PFKP: variants seen among roughly 807,000 people sequenced by gnomAD.
The protein encoded by PFKP is phosphofructokinase, platelet.
PFKP carries 101 observed loss-of-function variants against 94.3 expected under a neutral mutation model. The ratio of observed to expected loss-of-function variants is 1.07; its 90% CI spans 0.91 to 1.26. The LOEUF (loss-of-function observed/expected upper bound fraction) is 1.26, where lower values mean the gene tolerates loss of function less well. Ranked by LOEUF, PFKP falls within the 50% of genes most tolerant of loss-of-function variation. The pLI, the probability that PFKP is intolerant of heterozygous loss-of-function variation, is 0.00. For missense variants in PFKP, 1,145 were observed against 1,103.3 expected (o/e 1.04, Z -0.53); for synonymous variants, 573 against 432.6 (o/e 1.32, Z -4.03).
At chr10:3,100,381 G>A (rs1292045895) in intron 3 of PFKP, among the ~76,000 whole-genome samples, 2 of 152,042 alleles carry the variant, frequency 1.3e-5, no homozygotes, top group Admixed American at 1.3e-4. Flanking sequence ...GTGAATTTCA[G>A]TTTTTGTAAC....
chr10:3,096,934 C>T (rs113743518), intron 2 of PFKP, among the ~76,000 whole-genome samples: 2,363 of 121,374 alleles, frequency 0.019, 617 homozygotes, highest in Middle Eastern at 0.049. Flanking sequence ...AAAAATTAGC[C>T]GGGCGTGGTG....
chr10:3,107,967 G>T (rs1328438124), intron 8 of PFKP: 3 of 1,289,740 alleles, frequency 2.3e-6, no homozygotes, highest in Non-Finnish European at 2.0e-6. Context: ...TCCCCACCTG[G>T]CTTTGCAAGT....
intron 1 of PFKP, chr10:3,068,673 G>A: frequency 1.0e-6 from 1 of 985,090 alleles, no homozygotes; most frequent in Non-Finnish European, 1.2e-6. Flanking sequence ...GCGCGCCCCA[G>A]GCCCCGGGTG....
intron 2 of PFKP, among the ~76,000 whole-genome samples, chr10:3,087,978 T>A (rs1833731383): frequency 9.1e-6 from 1 of 110,146 alleles, no homozygotes; most frequent in Admixed American, 1.2e-4. Flanking sequence ...TCCTGTATCT[T>A]TCATTCTTTT....
At chr10:3,100,222 G>T (rs1803783029) in intron 3 of PFKP, among the ~76,000 whole-genome samples, 1 of 151,940 alleles carries the variant, frequency 6.6e-6, no homozygotes, top group Non-Finnish European at 1.5e-5. Context: ...CCATTGTGCT[G>T]GCTCTCGTGC....
intron 16 of PFKP, among the ~76,000 whole-genome samples, chr10:3,122,322 A>C (rs1464692551): frequency 6.6e-6 from 1 of 152,032 alleles, no homozygotes; most frequent in Non-Finnish European, 1.5e-5. Flanking sequence ...CGTCTGACCG[A>C]GGTCACCCTG....
rs1023552134 is a variant in PFKP at position 3,067,600 on chromosome 10, A to T, written c.5A>T (p.Asp2Val). 6.6e-7 allele frequency: 1 copy of T among 1,518,442 alleles called. No individual in the cohort carries two copies. The highest frequency in any genetic ancestry group is 1.7e-4 in the Middle Eastern group (1 of 5,854). The allele number at this position is 1,518,442 out of a possible 1,614,324, so 94.1% of individuals were successfully genotyped here. A position where few individuals can be genotyped will look rare whatever the true frequency, so the allele number is the denominator to read the frequency against. ...GCTCCCCTCGGCCTCCTCGCCATGG[A>T]CGCGGACGACTCCCGGGCCCCCAAG... M[D>V]ADDSRAPKGS... Residue 2 changes from aspartate to valine, a missense_variant, in exon 1 of 22, where the codon GAC becomes GTC. Coordinates refer to ENST00000381125, the MANE Select transcript of PFKP (RefSeq NM_002627.5).
chr10:3,119,236 A>G (rs935218027), intron 15 of PFKP, among the ~76,000 whole-genome samples: 2 of 152,222 alleles, frequency 1.3e-5, no homozygotes, highest in Non-Finnish European at 2.9e-5. Flanking sequence ...AAAATCACAT[A>G]TTGGACTGTA....
intron 16 of PFKP, chr10:3,129,554 G>A: frequency 2.1e-6 from 1 of 472,108 alleles, no homozygotes. Flanking sequence ...CCTGGGAGAA[G>A]GGAGCGGCAG....
chr10:3,106,143 C>A (rs61835145), intron 7 of PFKP, among the ~76,000 whole-genome samples: 27 of 144,000 alleles, frequency 1.9e-4, no homozygotes, highest in Non-Finnish European at 3.6e-4. Flanking sequence ...TCGGGGCCTC[C>A]CCTGGGAGGG....
intron 8 of PFKP, chr10:3,108,151 T>C (rs1048843765): frequency 2.1e-5 from 14 of 665,148 alleles, no homozygotes; most frequent in East Asian, 6.7e-5. Context: ...TATAGGACAA[T>C]GGACCGAGAA....
chr10:3,078,085 C>A (rs1832753926), intron 1 of PFKP, among the ~76,000 whole-genome samples: 1 of 152,246 alleles, frequency 6.6e-6, no homozygotes, highest in African/African-American at 2.4e-5. Context: ...GCTATTTGGA[C>A]AATCTGTGGC....
Position 3,136,690 on chromosome 10 carries a change from GGC to G in PFKP, c.*113_*114del. 8.5e-7 allele frequency: 1 copy of G among 1,180,504 alleles called. No individual in the cohort carries two copies. Among genetic ancestry groups the G allele is most frequent in the South Asian group, 1.5e-5 (1 of 68,080 alleles). 73.1% of individuals were successfully genotyped at this position (1,180,504 alleles called of 1,614,324 possible). A position where few individuals can be genotyped will look rare whatever the true frequency, so the allele number is the denominator to read the frequency against. On this transcript the variant is annotated 3_prime_UTR_variant, in exon 22 of 22. Transcript: ENST00000381125. ...GTATTATTGACATTAATACCTAATC[GGC>G]GAGTGCCCATCTGCCCCACCTGCTC...
At chr10:3,071,085 C>G (rs973045091) in intron 1 of PFKP, among the ~76,000 whole-genome samples, 9 of 152,022 alleles carry the variant, frequency 5.9e-5, no homozygotes, top group Admixed American at 2.6e-4. Context: ...AGGGACCTTT[C>G]TTGGTGAAGC....
chr10:3,091,611 TAA>T (rs1564284847), intron 2 of PFKP, among the ~76,000 whole-genome samples: 3 of 152,004 alleles, frequency 2.0e-5, no homozygotes, highest in Non-Finnish European at 2.9e-5. Context: ...GGTCAGGAGT[TAA>T]AGACCAGCGC....
intron 1 of PFKP, among the ~76,000 whole-genome samples, chr10:3,080,302 G>T (rs897710359): frequency 6.6e-6 from 1 of 152,146 alleles, no homozygotes. Flanking sequence ...TGGATCACAA[G>T]GTCAGGAGAT....
chr10:3,107,211 C>T lies in PFKP; in HGVS notation c.775-3C>T. 1.3e-6 allele frequency: 2 copies of T among 1,591,736 alleles called. No homozygotes were observed. The highest frequency in any genetic ancestry group is 1.7e-6 in the Non-Finnish European group (2 of 1,160,526). ...TGAGAGCTTTAATTTTCTGTCTCCA[C>T]AGAACCGTGCCCGGAAAAAAAGGCT... On this transcript the variant is annotated splice_region_variant and splice_polypyrimidine_tract_variant and intron_variant, in intron 7 of 21. Coordinates refer to ENST00000381125, the MANE Select transcript of PFKP (RefSeq NM_002627.5).
rs1247302619 is a variant in PFKP, at chr10:3,101,296, C to T, written c.265-69C>T. On this transcript the variant is annotated intron_variant, in intron 3 of 21. Transcript: ENST00000381125. ...TCTAGCACCCCATGTTTATAGTCGG[C>T]CTGTGTGTGCCATCCACCTGGCGCT... The T allele has an allele frequency of 5.5e-6, 7 of 1,282,274 alleles. No homozygotes were observed. In the East Asian group the frequency reaches 1.5e-4, roughly 28 times the overall value. 79.4% of individuals were successfully genotyped at this position (1,282,274 alleles called of 1,614,324 possible). A position where few individuals can be genotyped will look rare whatever the true frequency, so the allele number is the denominator to read the frequency against.
intron 16 of PFKP, among the ~76,000 whole-genome samples, chr10:3,126,810 A>G (rs1483970182): frequency 1.3e-5 from 2 of 152,258 alleles, no homozygotes; most frequent in Non-Finnish European, 2.9e-5. Flanking sequence ...TCTCGCTCCC[A>G]TGGGACTCCT....
Sources: allele counts gnomAD v4.1 joint callset (sites outside exome capture counted in the v4.1 genomes callset), GRCh38; gene constraint gnomAD v4.1.1; transcripts MANE v1.5; gene names NCBI Gene and HGNC (gene_info 2026-07-23, HGNC 2026-07-21).